The following BEST1 variants were observed in gnomAD, a reference collection of about 807,000 sequenced individuals.
The protein encoded by BEST1 is bestrophin 1.
In BEST1, 58 loss-of-function variants were observed where a neutral mutation model predicts 63.3. The ratio of observed to expected loss-of-function variants is 0.92; its 90% CI spans 0.74 to 1.14. The LOEUF is 1.14. BEST1 is among the 50% of genes most tolerant of loss of function. BEST1 has a pLI of 0.00. For synonymous variants in BEST1, 283 were observed against 291.6 expected (o/e 0.97, Z 0.30); for missense variants, 671 against 740.1 (o/e 0.91, Z 1.08).
intron 8 of BEST1, 99 bp downstream of exon 8, chr11:61,959,677 T>C (rs1169486789): frequency 7.1e-7 from 1 of 1,403,096 alleles, no homozygotes; most frequent in Non-Finnish European, 1.0e-6. Flanking sequence ...CAGTGAATGA[T>C]CAACCCTTCC....
rs1305677238 is a variant in BEST1 at position 61,955,902 on chromosome 11, C to G, written c.432C>G (p.Ser144Arg). The change falls in exon 4 of 11, where the codon AGC (serine) becomes AGG (arginine). Residue 144 changes from serine to arginine, a missense_variant. Physicochemically the swap from Ser to Arg is moderately radical, Grantham distance 110. Coordinates refer to ENST00000378043, the MANE Select transcript of BEST1 (RefSeq NM_004183.4). ...LGNVLILRSV[S>R]TAVYKRFPSA... is the part of the protein sequence containing the mutation. ...ACGTGCTCATCCTGCGCAGCGTCAG[C>G]ACCGCAGTCTACAAGCGCTTCCCCA... is the stretch of plus-strand genomic sequence containing the variant. 6.4e-7 allele frequency: 1 copy of G among 1,550,442 alleles called. No homozygotes were observed. The highest frequency in any genetic ancestry group is 8.7e-7 in the Non-Finnish European group (1 of 1,146,916).
In BEST1 at chr11:61,962,790, G is replaced by C. The variant is rs773615280; in HGVS notation, c.1636G>C (p.Glu546Gln). The change falls in exon 10 of 11, where the codon GAG (glutamate) becomes CAG (glutamine). Residue 546 changes from glutamate to glutamine, a missense_variant. Transcript: ENST00000378043. ...TVEFNLTDMP[E>Q]IPENHLKEPL... is the part of the protein sequence containing the mutation. ...GGAGTTTAACCTGACGGATATGCCAGAGATCCCCGAAAATCACCTCAAAGA... is the reference window on the plus strand; with the variant it reads ...GGAGTTTAACCTGACGGATATGCCACAGATCCCCGAAAATCACCTCAAAGA... 19 of 1,614,096 alleles carry C rather than the reference G, an allele frequency of 1.2e-5. No homozygotes were observed. The highest frequency in any genetic ancestry group is 1.4e-5 in the Non-Finnish European group (17 of 1,180,042).
intron 9 of BEST1, chr11:61,960,358 G>C (rs1432392606): frequency 4.3e-6 from 2 of 463,760 alleles, no homozygotes; most frequent in African/African-American, 3.9e-5. Flanking sequence ...CCTGGCTCTT[G>C]TCATCCAGAA....
At chr11:61,955,980 A>C in intron 4 of BEST1, 29 bp downstream of exon 4, 1 of 1,538,502 alleles carries the variant, frequency 6.5e-7, no homozygotes, top group Non-Finnish European at 8.8e-7. Flanking sequence ...ACGGGGAGGC[A>C]CCGGGCAGAG....
chr11:61,956,930 A>G lies in BEST1; in HGVS notation c.568A>G (p.Asn190Asp). 4 of 1,614,132 alleles carry G rather than the reference A, an allele frequency of 2.5e-6. No individual in the cohort carries two copies. The highest frequency in any genetic ancestry group is 3.4e-6 in the Non-Finnish European group (4 of 1,180,012). ...MFWVPWVWFA[N>D]LSMKAWLGGR... ...CTGGGTGCCCTGGGTGTGGTTTGCC[A>G]ACCTGTCAATGAAGGCGTGGCTTGG... The change falls in exon 5 of 11, where the codon AAC becomes GAC. Residue 190 changes from asparagine (N) to aspartate (D), a missense_variant. Asn to Asp is a conservative substitution (Grantham distance 23, BLOSUM62 1). Coordinates refer to ENST00000378043, the MANE Select transcript of BEST1 (RefSeq NM_004183.4).
Position 61,955,812 on chromosome 11 carries a change from C to A in BEST1, c.342C>A (p.Val114=). The A allele has an allele frequency of 6.4e-7, 1 of 1,550,520 alleles. No individual in the cohort carries two copies. Among genetic ancestry groups the A allele is most frequent in the South Asian group, 1.2e-5 (1 of 84,076 alleles). Residue 114 remains valine (V), a synonymous_variant, in exon 4 of 11, where the codon GTC becomes GTA. Coordinates refer to ENST00000378043, the MANE Select transcript of BEST1 (RefSeq NM_004183.4). ...DRLMSLVSGF[V]EGKDEQGRLL... ...TCATGAGCCTGGTGTCGGGCTTCGT[C>A]GAAGGCAAGGACGAGCAAGGCCGGC...
Position 61,955,725 on chromosome 11 carries a change from C to T in BEST1, c.255C>T (p.Tyr85=). Residue 85 remains tyrosine (Y), a synonymous_variant, in exon 4 of 11, where the codon TAC becomes TAT. Transcript: ENST00000378043. ...LIPISFVLGF[Y]VTLVVTRWWN... ...CCCGCCCCTCCTGCCCAGGCTTCTACGTGACGCTGGTCGTGACCCGCTGGT... is the reference window on the plus strand; with the variant it reads ...CCCGCCCCTCCTGCCCAGGCTTCTATGTGACGCTGGTCGTGACCCGCTGGT... 6.6e-7 allele frequency: 1 copy of T among 1,509,658 alleles called. No homozygotes were observed. Among genetic ancestry groups the T allele is most frequent in the Non-Finnish European group, 9.0e-7 (1 of 1,115,216 alleles). 93.5% of individuals were successfully genotyped at this position (1,509,658 alleles called of 1,614,324 possible). A position where few individuals can be genotyped will look rare whatever the true frequency, so the allele number is the denominator to read the frequency against.
intron 10 of BEST1, 143 bp from the exon 11 acceptor site, chr11:61,963,961 C>T (rs1164270528): frequency 5.3e-6 from 8 of 1,497,806 alleles, no homozygotes; most frequent in Non-Finnish European, 7.1e-6. Context: ...CAACTGCAAT[C>T]CAGCCTGGGC....
In BEST1 at chr11:61,962,536, G is replaced by C. The variant is rs778760005; in HGVS notation, c.1382G>C (p.Arg461Thr). ...TTCAAGTCTGCCCCACTGTATCAGAGGCCAGGCTACTACAGTGCCCCACAG... is the reference window on the plus strand; with the variant it reads ...TTCAAGTCTGCCCCACTGTATCAGACGCCAGGCTACTACAGTGCCCCACAG... Reference protein sequence around the residue: ...DAFKSAPLYQRPGYYSAPQTP... With the variant: ...DAFKSAPLYQTPGYYSAPQTP... Residue 461 changes from arginine to threonine, a missense_variant, in exon 10 of 11, where the codon AGG becomes ACG. By Grantham distance (71) the Arg-to-Thr change is moderately conservative. Coordinates refer to ENST00000378043, the MANE Select transcript of BEST1 (RefSeq NM_004183.4). The C allele has an allele frequency of 2.3e-5, 37 of 1,614,166 alleles. No individual in the cohort carries two copies. In the South Asian group the frequency reaches 3.8e-4, roughly 17 times the overall value.
At chr11:61,953,461 C>G (rs984244728) in intron 2 of BEST1, among the ~76,000 whole-genome samples, 2 of 152,078 alleles carry the variant, frequency 1.3e-5, no homozygotes, top group African/African-American at 4.8e-5. Context: ...ACCCGTAATC[C>G]CAGCACTTTG....
chr11:61,951,692 G>A (rs1940673804), intron 1 of BEST1, 79 bp from the exon 2 acceptor site: 1 of 1,446,166 alleles, frequency 6.9e-7, no homozygotes, highest in African/African-American at 1.4e-5. Flanking sequence ...TTGAGGTCCA[G>A]AGCAGGGAAG....
At chr11:61,959,477 A>G (rs1941804661) in intron 7 of BEST1, 21 bp from the exon 8 acceptor site, 1 of 1,613,460 alleles carries the variant, frequency 6.2e-7, no homozygotes, top group African/African-American at 1.3e-5. Flanking sequence ...GAGGGTTTAC[A>G]GAGCCTCACC....
At chr11:61,963,394 T>C (rs954407990) in intron 10 of BEST1, 4 of 1,234,044 alleles carry the variant, frequency 3.2e-6, no homozygotes, top group Non-Finnish European at 4.1e-6. Context: ...GATGGTGAGG[T>C]TGAGGGTGTC....
Position 61,951,773 on chromosome 11 carries a change from C to T in BEST1, c.-34C>T, listed in dbSNP as rs1940684822. 1.2e-6 allele frequency: 2 copies of T among 1,609,480 alleles called. No individual in the cohort carries two copies. The highest frequency in any genetic ancestry group is 1.7e-6 in the Non-Finnish European group (2 of 1,179,836). ...CAATCGGTGTCCCTCTCTACCAGGA[C>T]CCAAGCCCACCTGCTGCAGCCCACT... On this transcript the variant is annotated splice_region_variant and 5_prime_UTR_variant, in exon 2 of 11. Transcript: ENST00000378043.
chr11:61,955,211 C>CCCTTCTGGCTGTTCCGGGTCCCT lies in BEST1; in HGVS notation c.247+11_247+33dup. 1 of 1,614,200 alleles carries CCCTTCTGGCTGTTCCGGGTCCCT rather than the reference C, an allele frequency of 6.2e-7. No individual in the cohort carries two copies. Among genetic ancestry groups the CCCTTCTGGCTGTTCCGGGTCCCT allele is most frequent in the Non-Finnish European group, 8.5e-7 (1 of 1,180,022 alleles). ...ATTTCCTTCGTGCTGGGTGAGTTCC[C>CCCTTCTGGCTGTTCCGGGTCCCT]CCTTCTGGCTGTTCCGGGTCCCTGT... On this transcript the variant is annotated intron_variant, in intron 3 of 10. Transcript: ENST00000378043.
chr11:61,955,547 T>A (rs1177905826), intron 3 of BEST1, 171 bp from the exon 4 acceptor site: 30 of 1,003,906 alleles, frequency 3.0e-5, no homozygotes, highest in Non-Finnish European at 4.3e-5. Flanking sequence ...CTCTCGCGCC[T>A]CCATGCGAGG....
intron 3 of BEST1, chr11:61,955,458 G>C: frequency 1.5e-6 from 2 of 1,335,766 alleles, no homozygotes; most frequent in Non-Finnish European, 2.0e-6. Context: ...GGTCCCTGGA[G>C]CCCCTGCGCG....
chr11:61,962,118 G>A, intron 9 of BEST1, 137 bp from the exon 10 acceptor site: 1 of 848,914 alleles, frequency 1.2e-6, no homozygotes, highest in South Asian at 1.5e-5. Flanking sequence ...AGAGGTGAGA[G>A]CTGGGGCATG....
In BEST1 at chr11:61,951,654, T is replaced by A; in HGVS notation, c.-36-117T>A. The A allele has an allele frequency of 2.9e-6, 3 of 1,046,212 alleles. 1 individual carries two copies. In the South Asian group the frequency reaches 4.3e-5, roughly 15 times the overall value. The allele number at this position is 1,046,212 out of a possible 1,614,324, so 64.8% of individuals were successfully genotyped here. Reference sequence around the variant, plus strand: ...TGGCAGGGCCTTGGAGACCACTTCATCCACCTCCTAGGGTCCCTATGGGAG... The same window carrying A: ...TGGCAGGGCCTTGGAGACCACTTCAACCACCTCCTAGGGTCCCTATGGGAG... On this transcript the variant is annotated intron_variant, in intron 1 of 10. Coordinates refer to ENST00000378043, the MANE Select transcript of BEST1 (RefSeq NM_004183.4).
Sources: gnomAD v4.1 joint callset for allele counts (sites outside exome capture counted in the v4.1 genomes callset) on GRCh38, gnomAD v4.1.1 for gene constraint, MANE v1.5 for transcripts, NCBI Gene and HGNC (gene_info 2026-07-23, HGNC 2026-07-21) for gene names.